NEBL: variants seen among roughly 807,000 people sequenced by gnomAD.
NEBL encodes the protein nebulette.
A neutral mutation model predicts 140.2 loss-of-function variants in NEBL; 122 were observed. The ratio of observed to expected loss-of-function variants is 0.87; its 90% CI spans 0.75 to 1.01. The LOEUF is 1.01. Among genes scored for constraint, NEBL ranks in the 50% least tolerant of loss-of-function variants. The probability of loss-of-function intolerance (pLI) is 0.00; values close to 1 mark genes in which losing one functional copy is unlikely to be tolerated. For missense variants in NEBL, 1,365 were observed against 1,231.3 expected (o/e 1.11, Z -1.62); for synonymous variants, 436 against 398.9 (o/e 1.09, Z -1.11).
At chr10:21,197,847 G>A (rs747930879) in intron 3 of NEBL, among the ~76,000 whole-genome samples, 32 of 152,098 alleles carry the variant, frequency 2.1e-4, no homozygotes, top group Non-Finnish European at 3.1e-4. Flanking sequence ...ACCAAAAAAC[G>A]CAGTTTCCAT....
At chr10:20,929,292 T>TAA (rs1190834948) in intron 4 of NEBL, among the ~76,000 whole-genome samples, 3 of 151,912 alleles carry the variant, frequency 2.0e-5, no homozygotes, top group African/African-American at 7.3e-5. Context: ...TATCACTGAT[T>TAA]AAAGGAACTT....
At chr10:20,881,004 CACT>C in intron 4 of NEBL, 100 bp from the exon 5 acceptor site, 3 of 838,038 alleles carry the variant, frequency 3.6e-6, no homozygotes, top group Non-Finnish European at 6.1e-6. Context: ...TGAATACCAC[CACT>C]GATAGTTAAT....
At chr10:21,139,132 C>T (rs74121055) in intron 2 of NEBL, among the ~76,000 whole-genome samples, 2,294 of 152,160 alleles carry the variant, frequency 0.015, 51 homozygotes, top group African/African-American at 0.052. Context: ...TTAAGAGTCA[C>T]GGCTGGCCTA....
At chr10:20,788,751 T>A (rs1564325016) in intron 26 of NEBL, among the ~76,000 whole-genome samples, 2 of 152,180 alleles carry the variant, frequency 1.3e-5, no homozygotes, top group Non-Finnish European at 2.9e-5. Flanking sequence ...ATCAACAAAA[T>A]TTAAATATTT....
At chr10:20,820,576 A>G (rs1358806835) in intron 19 of NEBL, among the ~76,000 whole-genome samples, 1 of 152,180 alleles carries the variant, frequency 6.6e-6, no homozygotes, top group Non-Finnish European at 1.5e-5. Flanking sequence ...CTGTAATCCT[A>G]ACAGTTTGGA....
At chr10:20,895,596 A>G (rs891995064) in intron 2 of NEBL, among the ~76,000 whole-genome samples, 2 of 152,220 alleles carry the variant, frequency 1.3e-5, no homozygotes, top group Non-Finnish European at 2.9e-5. Context: ...TGTTGTTGTC[A>G]TTGTCACTTA....
intron 2 of NEBL, among the ~76,000 whole-genome samples, chr10:21,089,743 C>T (rs545781410): frequency 3.3e-5 from 5 of 152,128 alleles, no homozygotes; most frequent in African/African-American, 1.2e-4. Flanking sequence ...AGAATCTTCT[C>T]CCTTTTCTCC....
At chr10:21,189,201 A>T (rs116015778) in intron 3 of NEBL, among the ~76,000 whole-genome samples, 4,301 of 152,204 alleles carry the variant, frequency 0.028, 92 homozygotes, top group African/African-American at 0.032. Flanking sequence ...GCCCTAAATC[A>T]AATGGCAAGG....
rs1240693733 is a variant in NEBL, at chr10:20,812,795, A to G, written c.2492T>C (p.Met831Thr). ...YKGVHPHIVE[M>T]DRRPGIIVDL... ...AACAATGATTCCAGGTCTCCTGTCCATCTCCACGATGTGAGGGTGGACCCC... is the reference window on the plus strand; with the variant it reads ...AACAATGATTCCAGGTCTCCTGTCCGTCTCCACGATGTGAGGGTGGACCCC... Residue 831 changes from methionine to threonine, a missense_variant, in exon 24 of 28, where the codon ATG (methionine) becomes ACG (threonine). Met to Thr is a moderately conservative substitution (Grantham distance 81). Around this residue, in one of 2 missense-constraint regions of NEBL, gnomAD observed 1,323 missense variants for 1,154.8 expected, o/e 1.15. Coordinates refer to ENST00000377122, the MANE Select transcript of NEBL (RefSeq NM_006393.3). 1 of 1,613,786 alleles carries G rather than the reference A, an allele frequency of 6.2e-7. No individual in the cohort carries two copies. The highest frequency in any genetic ancestry group is 1.3e-5 in the African/African-American group (1 of 74,892).
At chr10:21,241,838 T>G (rs1842443434) in intron 3 of NEBL, among the ~76,000 whole-genome samples, 1 of 152,184 alleles carries the variant, frequency 6.6e-6, no homozygotes, top group Non-Finnish European at 1.5e-5. Flanking sequence ...ATCAAGTTCT[T>G]TATAGACCTG....
intron 2 of NEBL, among the ~76,000 whole-genome samples, chr10:21,148,345 CT>C (rs1450868046): frequency 6.6e-6 from 1 of 152,180 alleles, no homozygotes; most frequent in Non-Finnish European, 1.5e-5. Flanking sequence ...AGTATCTCTT[CT>C]GTTAAAGTAT....
intron 2 of NEBL, chr10:21,172,314 C>T (rs1589311462): frequency 8.1e-7 from 1 of 1,234,732 alleles, no homozygotes; most frequent in East Asian, 2.3e-5. Context: ...TTCTTCAAAA[C>T]AGGCAGGTCC....
intron 2 of NEBL, among the ~76,000 whole-genome samples, chr10:21,044,129 G>T (rs1310271187): frequency 6.6e-6 from 1 of 152,248 alleles, no homozygotes; most frequent in East Asian, 1.9e-4. Context: ...GGGCACGATG[G>T]CTCACGCCTG....
chr10:21,206,664 T>C (rs1246028330), intron 3 of NEBL, among the ~76,000 whole-genome samples: 1 of 152,216 alleles, frequency 6.6e-6, no homozygotes, highest in African/African-American at 2.4e-5. Flanking sequence ...GAACCTCAAA[T>C]CTATCTCACC....
chr10:21,050,237 T>C (rs1361990293), intron 2 of NEBL, among the ~76,000 whole-genome samples: 1 of 152,244 alleles, frequency 6.6e-6, no homozygotes, highest in Non-Finnish European at 1.5e-5. Context: ...CTGATTTTAC[T>C]TTTTCTGTAT....
intron 4 of NEBL, among the ~76,000 whole-genome samples, chr10:20,886,865 T>C (rs1007675007): frequency 6.6e-6 from 1 of 152,202 alleles, no homozygotes; most frequent in Non-Finnish European, 1.5e-5. Context: ...ATACAAACTA[T>C]GTAAAAGGAA....
At chr10:20,826,235 A>C (rs1173416739) in intron 18 of NEBL, among the ~76,000 whole-genome samples, 1 of 152,194 alleles carries the variant, frequency 6.6e-6, no homozygotes, top group Non-Finnish European at 1.5e-5. Context: ...CTTCATTGTG[A>C]TATATCAAAA....
chr10:21,220,886 C>T (rs1345390183), intron 3 of NEBL, among the ~76,000 whole-genome samples: 1 of 152,162 alleles, frequency 6.6e-6, no homozygotes, highest in Admixed American at 6.6e-5. Context: ...TTGGGCATGG[C>T]GGCTCATGCC....
intron 3 of NEBL, among the ~76,000 whole-genome samples, chr10:21,212,856 A>C (rs2132236859): frequency 6.6e-6 from 1 of 152,288 alleles, no homozygotes; most frequent in South Asian, 2.1e-4. Flanking sequence ...ACATTCAGTC[A>C]GTTAACTCGA....
Sources: allele counts gnomAD v4.1 joint callset (sites outside exome capture counted in the v4.1 genomes callset), GRCh38; gene constraint gnomAD v4.1.1; regional missense constraint gnomAD v4.1.1; transcripts MANE v1.5; gene names NCBI Gene and HGNC (gene_info 2026-07-23, HGNC 2026-07-21).